The following FRY variants were observed in gnomAD, a reference collection of about 807,000 sequenced individuals.
FRY encodes FRY microtubule binding protein, also known as protein furry homolog.
In FRY, 128 loss-of-function variants were observed where a neutral mutation model predicts 348.4. The observed-to-expected ratio is 0.37, with a 90% CI of 0.32 to 0.43. The LOEUF (loss-of-function observed/expected upper bound fraction) is 0.43, where lower values mean the gene tolerates loss of function less well. Among genes scored for constraint, FRY ranks in the 20% least tolerant of loss-of-function variants. The pLI, the probability that FRY is intolerant of heterozygous loss-of-function variation, is 1.00. For missense variants in FRY, 2,736 were observed against 3,695.2 expected, an observed-to-expected ratio of 0.74 and a Z score of 6.73; for synonymous variants, 1,370 against 1,374.7, an observed-to-expected ratio of 1.00 and a Z score of 0.08.
At chr13:32,215,525 A>G (rs1884939915) in intron 35 of FRY, among the ~76,000 whole-genome samples, 1 of 152,224 alleles carries the variant, frequency 6.6e-6, no homozygotes, top group African/African-American at 2.4e-5. Context: ...TATTTATTAA[A>G]AGAGTAGTTT....
intron 49 of FRY, among the ~76,000 whole-genome samples, chr13:32,250,896 A>G (rs985343627): frequency 3.3e-5 from 5 of 152,230 alleles, no homozygotes; most frequent in African/African-American, 1.2e-4. Context: ...CCAGAATTGT[A>G]AAATGACCAC....
At chr13:32,074,063 C>CA (rs1186348084) in intron 1 of FRY, among the ~76,000 whole-genome samples, 4 of 152,010 alleles carry the variant, frequency 2.6e-5, no homozygotes, top group Admixed American at 6.6e-5. Flanking sequence ...CAGTCATGTT[C>CA]AAAAAGATCA....
At chr13:32,191,829 A>T (rs1340087987) in intron 28 of FRY, among the ~76,000 whole-genome samples, 1 of 152,090 alleles carries the variant, frequency 6.6e-6, no homozygotes, top group Non-Finnish European at 1.5e-5. Flanking sequence ...ATCACCTCCT[A>T]AAGGCCCCAC....
At chr13:32,199,936 T>G (rs368349714) in intron 29 of FRY, among the ~76,000 whole-genome samples, 1 of 152,164 alleles carries the variant, frequency 6.6e-6, no homozygotes, top group East Asian at 1.9e-4. Flanking sequence ...CTTGCAGTTA[T>G]AGAGACTAAG....
At chr13:32,111,835 G>A (rs545772176) in intron 3 of FRY, among the ~76,000 whole-genome samples, 1 of 152,298 alleles carries the variant, frequency 6.6e-6, no homozygotes, top group South Asian at 2.1e-4. Flanking sequence ...TTCCAGAATA[G>A]TCATGAGTTA....
intron 29 of FRY, among the ~76,000 whole-genome samples, chr13:32,195,378 C>G (rs1281526557): frequency 6.6e-6 from 1 of 152,056 alleles, no homozygotes; most frequent in East Asian, 1.9e-4. Flanking sequence ...AACATTGTTA[C>G]AAAAATCTCT....
chr13:32,222,339 G>A (rs1034956922), intron 36 of FRY, among the ~76,000 whole-genome samples: 3 of 152,188 alleles, frequency 2.0e-5, no homozygotes, highest in Admixed American at 6.5e-5. Context: ...TAAAGGCCAC[G>A]GGTGTGGATT....
chr13:32,243,992 A>G, intron 46 of FRY, 50 bp from the exon 47 acceptor site: 12 of 1,604,248 alleles, frequency 7.5e-6, no homozygotes, highest in East Asian at 2.2e-5. Context: ...GGGTCCTTCC[A>G]TACGGAGATC....
intron 4 of FRY, among the ~76,000 whole-genome samples, chr13:32,120,303 C>T (rs1215044404): frequency 2.0e-5 from 3 of 152,148 alleles, no homozygotes; most frequent in Middle Eastern, 6.8e-3. Flanking sequence ...AGAGTCAGTG[C>T]TCTAGGCCAC....
rs1172998614 is a variant in FRY at position 32,257,559 on chromosome 13, G to A, written c.7416+3165G>A. Among the ~76,000 whole-genome samples, 8 of 152,312 alleles carry A rather than the reference G, an allele frequency of 5.3e-5. No homozygotes were observed. In the East Asian group the frequency reaches 1.4e-3, roughly 26 times the overall value. The stretch of plus-strand genomic sequence containing the variant: ...CTTTTAGCTTTGTGAACAGGCTCAG[G>A]TGATGCCACCTTTATTTCCAGTTGA... On this transcript the variant is annotated intron_variant, in intron 51 of 60. Transcript: ENST00000542859.
intron 1 of FRY, among the ~76,000 whole-genome samples, chr13:32,047,584 G>GT (rs553090134): frequency 2.0e-5 from 3 of 148,628 alleles, no homozygotes; most frequent in Non-Finnish European, 4.5e-5. Context: ...TTTTTTTTGG[G>GT]GGGGGTGCAG....
chr13:32,070,012 C>A (rs541607565), intron 1 of FRY, among the ~76,000 whole-genome samples: 86 of 152,080 alleles, frequency 5.7e-4, no homozygotes, highest in African/African-American at 2.1e-3. Flanking sequence ...TGGTTTCCAC[C>A]GTCATCCATG....
At chr13:32,052,578 AT>A (rs1873392698) in intron 1 of FRY, among the ~76,000 whole-genome samples, 1 of 152,210 alleles carries the variant, frequency 6.6e-6, no homozygotes, top group South Asian at 2.1e-4. Context: ...TTAATAAAAT[AT>A]TTTACCTTCT....
At chr13:32,255,324 T>C (rs1887277456) in intron 51 of FRY, among the ~76,000 whole-genome samples, 1 of 152,214 alleles carries the variant, frequency 6.6e-6, no homozygotes, top group South Asian at 2.1e-4. Flanking sequence ...TTTCCTGCAG[T>C]AGGTAGGCAC....
rs906083224 is a variant in FRY, at chr13:32,224,939, T to C, written c.4923T>C (p.Asn1641=). The change falls in exon 38 of 61, where the codon AAT becomes AAC. Residue 1641 remains asparagine, a synonymous_variant. Coordinates refer to ENST00000542859, the MANE Select transcript of FRY (RefSeq NM_023037.3). ...TCATTATTTCATTGATTAGGTGCAA[T>C]ATTGCTGTAATTTTTATGACTGAAA... The part of the protein sequence containing the change: ...ITPRGPLHRC[N]IAVIFMTEMV... 1.3e-6 allele frequency: 2 copies of C among 1,589,108 alleles called. No homozygotes were observed. Among genetic ancestry groups the C allele is most frequent in the African/African-American group, 2.7e-5 (2 of 74,480 alleles).
intron 14 of FRY, among the ~76,000 whole-genome samples, chr13:32,154,245 C>A (rs1430255313): frequency 6.6e-6 from 1 of 152,118 alleles, no homozygotes; most frequent in Non-Finnish European, 1.5e-5. Context: ...GGCTTCGATA[C>A]ACGGATTATT....
chr13:32,061,639 T>C (rs1039789002), intron 1 of FRY, among the ~76,000 whole-genome samples: 1 of 152,216 alleles, frequency 6.6e-6, no homozygotes, highest in Non-Finnish European at 1.5e-5. Flanking sequence ...TAAAAGCAGT[T>C]TTTTTCTTCA....
At chr13:32,126,857 A>T (rs1443850139) in intron 7 of FRY, among the ~76,000 whole-genome samples, 1 of 152,190 alleles carries the variant, frequency 6.6e-6, no homozygotes, top group South Asian at 2.1e-4. Flanking sequence ...TATCTTTTTT[A>T]AAAAAGTTGA....
intron 36 of FRY, among the ~76,000 whole-genome samples, chr13:32,220,247 A>G (rs377735134): frequency 1.5e-4 from 23 of 152,358 alleles, no homozygotes; most frequent in African/African-American, 5.3e-4. Context: ...AGGTAGTTCC[A>G]ATAAGGCCAC....
Sources: gnomAD v4.1 joint callset for allele counts (sites outside exome capture counted in the v4.1 genomes callset) on GRCh38, gnomAD v4.1.1 for gene constraint, MANE v1.5 for transcripts, NCBI Gene and HGNC (gene_info 2026-07-23, HGNC 2026-07-21) for gene names.